Variants in APBB1IP observed in about 807,000 individuals in gnomAD.
The protein encoded by APBB1IP is amyloid beta A4 precursor protein-binding family B member 1-interacting protein.
In APBB1IP, 27 loss-of-function variants were observed where a neutral mutation model predicts 64.9. The ratio of observed to expected loss-of-function variants is 0.42; its 90% CI spans 0.31 to 0.57. The LOEUF is 0.57. APBB1IP is among the 20% of genes least tolerant of loss of function. The pLI, the probability that APBB1IP is intolerant of heterozygous loss-of-function variation, is 0.20. For missense variants in APBB1IP, 812 were observed against 845.5 expected (o/e 0.96, Z 0.49); for synonymous variants, 392 against 331.0 (o/e 1.18, Z -2.00).
At chr10:26,514,290 A>G (rs16927056) in intron 8 of APBB1IP, among the ~76,000 whole-genome samples, 4,642 of 152,122 alleles carry the variant, frequency 0.031, 260 homozygotes, top group African/African-American at 0.11. Context: ...ATATATCTTC[A>G]TGCACTCACT....
Position 26,536,115 on chromosome 10 carries a change from A to G in APBB1IP, c.942A>G (p.Glu314=). ...CATCTATCATTGTACCAGAACTGGA[A>G]GGAGCTCTTTATTTGAAAGAAGATG... ...CGTSIIVPEL[E]GALYLKEDGK... The change falls in exon 10 of 15, where the codon GAA becomes GAG. Residue 314 remains glutamate, a synonymous_variant. Transcript: ENST00000376236. The G allele has an allele frequency of 1.2e-6, 2 of 1,607,226 alleles. No individual in the cohort carries two copies. Among genetic ancestry groups the G allele is most frequent in the South Asian group, 1.1e-5 (1 of 89,084 alleles).
At chr10:26,510,495 C>T (rs767484280) in intron 6 of APBB1IP, among the ~76,000 whole-genome samples, 1 of 152,016 alleles carries the variant, frequency 6.6e-6, no homozygotes, top group Non-Finnish European at 1.5e-5. Context: ...CACTTTAGGC[C>T]GGTGAGGCAG....
At position 26,567,295 on chromosome 10, in the gene APBB1IP, C is replaced by T. The variant is rs1407937540; in HGVS notation, c.1808C>T (p.Pro603Leu). 18 of 1,083,342 alleles carry T rather than the reference C, an allele frequency of 1.7e-5. No homozygotes were observed. The East Asian group carries it at 9.0e-4, about 54-fold the overall frequency. 67.1% of individuals were successfully genotyped at this position (1,083,342 alleles called of 1,614,324 possible). A position where few individuals can be genotyped will look rare whatever the true frequency, so the allele number is the denominator to read the frequency against. ...IAGSELPPPP[P>L]PPPAPAPAPV... ...GGCTCAGAGCTGCCCCCGCCGCCGC[C>T]GCCGCCGCCCGCGCCCGCGCCCGCC... is the stretch of plus-strand genomic sequence containing the variant. Residue 603 changes from proline to leucine, a missense_variant, in exon 15 of 15, where the codon CCG becomes CTG. Pro to Leu is a moderately conservative substitution (Grantham distance 98). Transcript: ENST00000376236.
At chr10:26,557,032 G>T (rs759278931) in intron 11 of APBB1IP, among the ~76,000 whole-genome samples, 5 of 152,102 alleles carry the variant, frequency 3.3e-5, no homozygotes, top group African/African-American at 7.2e-5. Flanking sequence ...GTTGGCTTTA[G>T]TATATTTTTC....
At chr10:26,513,112 T>C (rs964327328) in intron 7 of APBB1IP, among the ~76,000 whole-genome samples, 2 of 152,098 alleles carry the variant, frequency 1.3e-5, no homozygotes, top group African/African-American at 2.4e-5. Context: ...AAGTAAAAAA[T>C]GTCGATATGA....
At position 26,500,987 on chromosome 10, in the gene APBB1IP, T is replaced by C. The variant is rs371407206; in HGVS notation, c.329T>C (p.Leu110Pro). ...QASIFSGAAS[L>P]GYGTNVAATG... ...TCAATTTTCAGTGGTGCAGCCTCTCTTGGTTATGGAACAAATGTTGCTGCC... is the reference window on the plus strand; with the variant it reads ...TCAATTTTCAGTGGTGCAGCCTCTCCTGGTTATGGAACAAATGTTGCTGCC... Residue 110 changes from leucine (L) to proline (P), a missense_variant, in exon 5 of 15, where the codon CTT becomes CCT. Leu to Pro is a moderately conservative substitution (Grantham distance 98). Transcript: ENST00000376236. 1 of 1,614,214 alleles carries C rather than the reference T, an allele frequency of 6.2e-7. No individual in the cohort carries two copies. The highest frequency in any genetic ancestry group is 1.3e-5 in the African/African-American group (1 of 75,056).
chr10:26,497,097 AG>A (rs1354473522), intron 4 of APBB1IP, among the ~76,000 whole-genome samples: 1 of 152,138 alleles, frequency 6.6e-6, no homozygotes, highest in East Asian at 1.9e-4. Flanking sequence ...TGGGAGGCTG[AG>A]GCAGGAAGAT....
chr10:26,516,543 CAAAA>C (rs71401901), intron 8 of APBB1IP, among the ~76,000 whole-genome samples: 6 of 47,210 alleles, frequency 1.3e-4, no homozygotes, highest in African/African-American at 3.7e-4. Context: ...GACTCCATCT[CAAAA>C]AAAAAAAAAA....
At chr10:26,561,170 A>G (rs528439798) in intron 13 of APBB1IP, among the ~76,000 whole-genome samples, 96 of 132,614 alleles carry the variant, frequency 7.2e-4, no homozygotes, top group Non-Finnish European at 1.3e-3. Context: ...CTGGGTTCAC[A>G]CCGTTCTCCT....
intron 2 of APBB1IP, among the ~76,000 whole-genome samples, chr10:26,457,220 C>A (rs1207879164): frequency 6.6e-6 from 1 of 152,170 alleles, no homozygotes; most frequent in East Asian, 1.9e-4. Context: ...CTTCTCCGAG[C>A]CTTGTCTTCC....
chr10:26,550,108 A>G, intron 11 of APBB1IP, among the ~76,000 whole-genome samples: 1 of 151,834 alleles, frequency 6.6e-6, no homozygotes, highest in East Asian at 1.9e-4. Context: ...GGTTTCTGCT[A>G]AGTCTGCTGC....
intron 2 of APBB1IP, among the ~76,000 whole-genome samples, chr10:26,446,934 G>A (rs1835406210): frequency 1.3e-5 from 2 of 152,144 alleles, no homozygotes; most frequent in Admixed American, 1.3e-4. Context: ...TTCCAGTCTA[G>A]TGGGAAAGAC....
Position 26,567,032 on chromosome 10 carries a change from C to A in APBB1IP, c.1545C>A (p.Ser515Arg). ...GGGCCCCGCACGCCCCCAAGTCCAG[C>A]CTGCCCCCGCCCCCTCCGGTGCGGA... ...VPRAPHAPKS[S>R]LPPPPPVRRS... Residue 515 changes from serine to arginine, a missense_variant, in exon 15 of 15, where the codon AGC (serine) becomes AGA (arginine). Physicochemically the swap from Ser to Arg is moderately radical, Grantham distance 110. This residue lies in a region of APBB1IP where 381 missense variants were observed against 352.1 expected (regional missense o/e 1.08). Coordinates refer to ENST00000376236, the MANE Select transcript of APBB1IP (RefSeq NM_019043.4). The A allele has an allele frequency of 2.6e-6, 4 of 1,551,478 alleles. No homozygotes were observed. The highest frequency in any genetic ancestry group is 3.4e-6 in the Non-Finnish European group (4 of 1,160,240).
Position 26,565,071 on chromosome 10 carries a change from T to C in APBB1IP, c.1474-1890T>C, listed in dbSNP as rs548246858. Reference sequence around the variant, plus strand: ...TCTTTGCCAGGCAACATATCCTTTGTGCCTACGTTTGCACAAAGCTTACCT... The same window carrying C: ...TCTTTGCCAGGCAACATATCCTTTGCGCCTACGTTTGCACAAAGCTTACCT... On this transcript the variant is annotated intron_variant, in intron 14 of 14. Coordinates refer to ENST00000376236, the MANE Select transcript of APBB1IP (RefSeq NM_019043.4). Among the ~76,000 whole-genome samples the C allele has an allele frequency of 2.6e-5, 4 of 152,332 alleles. No individual in the cohort carries two copies. In the South Asian group the frequency reaches 8.3e-4, roughly 32 times the overall value.
chr10:26,538,413 C>A (rs969339489), intron 10 of APBB1IP, among the ~76,000 whole-genome samples: 37 of 151,598 alleles, frequency 2.4e-4, no homozygotes, highest in African/African-American at 9.0e-4. Context: ...GAGGCCGAGG[C>A]GGGCGAATCA....
At chr10:26,462,103 C>T (rs572715393) in intron 2 of APBB1IP, among the ~76,000 whole-genome samples, 3 of 152,300 alleles carry the variant, frequency 2.0e-5, no homozygotes, top group African/African-American at 4.8e-5. Flanking sequence ...TGTTTGTTTA[C>T]GTAGTGTCTA....
intron 8 of APBB1IP, among the ~76,000 whole-genome samples, chr10:26,526,725 A>G (rs1249253060): frequency 6.6e-6 from 1 of 152,034 alleles, no homozygotes; most frequent in Non-Finnish European, 1.5e-5. Context: ...TCTCAAAATA[A>G]TAATAATAAT....
At chr10:26,510,752 ACACACACACACACACACACACAC>A (rs1836246374) in intron 6 of APBB1IP, among the ~76,000 whole-genome samples, 2 of 151,414 alleles carry the variant, frequency 1.3e-5, no homozygotes, top group African/African-American at 4.9e-5. Context: ...ACACACACAC[ACACACACACACACACACACACAC>A]AAATGAAAAT....
At chr10:26,472,829 C>T (rs1835735300) in intron 2 of APBB1IP, among the ~76,000 whole-genome samples, 2 of 151,874 alleles carry the variant, frequency 1.3e-5, no homozygotes, top group East Asian at 3.9e-4. Context: ...CCCAGCTACT[C>T]AGGAGGGTGA....
Sources: gnomAD v4.1 joint callset for allele counts (sites outside exome capture counted in the v4.1 genomes callset) on GRCh38, gnomAD v4.1.1 for gene constraint, gnomAD v4.1.1 regional missense constraint, MANE v1.5 for transcripts, NCBI Gene and HGNC (gene_info 2026-07-23, HGNC 2026-07-21) for gene names.